CDK10: variants seen among roughly 807,000 people sequenced by gnomAD.
CDK10 encodes the protein cyclin dependent kinase 10.
Under a neutral mutation model 51.0 loss-of-function variants are expected in CDK10, and 55 were observed. The observed-to-expected ratio is 1.08, with a 90% CI of 0.87 to 1.35. CDK10 has a LOEUF of 1.35. CDK10 is among the 40% of genes most tolerant of loss of function. The pLI, the probability that CDK10 is intolerant of heterozygous loss-of-function variation, is 0.00. For synonymous variants in CDK10, 255 were observed against 199.1 expected (o/e 1.28, Z -2.36); for missense variants, 589 against 485.1 (o/e 1.21, Z -2.01).
chr16:89,692,553 C>T (rs767415849), intron 6 of CDK10, 37 bp downstream of exon 6: 27 of 1,510,310 alleles, frequency 1.8e-5, no homozygotes, highest in Middle Eastern at 3.5e-4. Context: ...AGCACAAATT[C>T]GGCTGAGGCC....
chr16:89,688,284 G>A (rs1597835248), intron 1 of CDK10, among the ~76,000 whole-genome samples: 1 of 151,828 alleles, frequency 6.6e-6, no homozygotes. Flanking sequence ...GAGTTTCACC[G>A]TGTTAGTCAG....
chr16:89,695,021 GC>G lies in CDK10; in HGVS notation c.885del (p.Leu297CysfsTer85). 5 of 1,613,248 alleles carry G rather than the reference GC, an allele frequency of 3.1e-6. No homozygotes were observed. The highest frequency in any genetic ancestry group is 4.2e-6 in the Non-Finnish European group (5 of 1,180,020). On this transcript the variant is annotated frameshift_variant, in exon 11 of 13. Coordinates refer to ENST00000353379, the MANE Select transcript of CDK10 (RefSeq NM_052988.5). LOFTEE classifies it high-confidence loss of function. The stretch of plus-strand genomic sequence containing the variant: ...GCACAAGTTCCCATGGCTGTCGGAG[GC>G]CGGGCTGCGCCTGCTGCACTTCCTG... Reference protein sequence around the residue: ...LKHKFPWLSEAGLRLLHFLFM... With the variant: ...LKHKFPWLSEXGLRLLHFLFM...
chr16:89,689,125 G>A (rs1049257771), intron 1 of CDK10, 127 bp from the exon 2 acceptor site: 8 of 792,716 alleles, frequency 1.0e-5, no homozygotes, highest in East Asian at 5.3e-5. Flanking sequence ...AAGCCCAAAC[G>A]TGTGGTTGCC....
At chr16:89,689,645 C>T in intron 2 of CDK10, 1 of 300,198 alleles carries the variant, frequency 3.3e-6, no homozygotes, top group Non-Finnish European at 6.4e-6. Context: ...TGTCTATCAC[C>T]TCAGCAACTC....
At chr16:89,693,174 T>C (rs1597862401) in intron 6 of CDK10, 100 bp from the exon 7 acceptor site, 3 of 1,016,500 alleles carry the variant, frequency 3.0e-6, no homozygotes, top group Admixed American at 3.9e-5. Flanking sequence ...AGCCCAAAGC[T>C]GAGGAAACGT....
chr16:89,694,510 C>T, intron 9 of CDK10, 155 bp from the exon 10 acceptor site: 1 of 1,362,708 alleles, frequency 7.3e-7, no homozygotes, highest in Non-Finnish European at 1.0e-6. Flanking sequence ...AGGAGGGGAG[C>T]CAGTGGTCCC....
At position 89,689,354 on chromosome 16, in the gene CDK10, G is replaced by A. The variant is rs779187795; in HGVS notation, c.160+30G>A. 1.3e-5 allele frequency: 21 copies of A among 1,586,678 alleles called. No individual in the cohort carries two copies. In the East Asian group the frequency reaches 2.7e-4, roughly 20 times the overall value. ...GTGGCCAAGGCTAGGACATGTGGCC[G>A]CAGCTCGTGGCTGTGACAGTGTGGG... On this transcript the variant is annotated intron_variant, in intron 2 of 12. Transcript: ENST00000353379.
intron 1 of CDK10, 183 bp downstream of exon 1, chr16:89,686,980 C>A: frequency 1.8e-6 from 1 of 541,856 alleles, no homozygotes; most frequent in South Asian, 2.5e-5. Context: ...CCCCCGACAG[C>A]CGGTCCCTGG....
intron 9 of CDK10, 103 bp downstream of exon 9, chr16:89,694,335 A>C: frequency 8.0e-7 from 1 of 1,244,846 alleles, no homozygotes; most frequent in Non-Finnish European, 1.2e-6. Context: ...GCAGGAGTGC[A>C]GTGGGGTCTT....
chr16:89,695,539 C>A, intron 12 of CDK10, 56 bp from the exon 13 acceptor site: 6 of 1,559,558 alleles, frequency 3.8e-6, no homozygotes, highest in Non-Finnish European at 5.2e-6. Flanking sequence ...AGACCTGGGC[C>A]TGCTCCTCCT....
At chr16:89,691,096 A>G (rs548140840) in intron 3 of CDK10, among the ~76,000 whole-genome samples, 1 of 151,972 alleles carries the variant, frequency 6.6e-6, no homozygotes, top group Admixed American at 6.6e-5. Context: ...GACCAGCCTG[A>G]CCAACATGGA....
chr16:89,689,241 T>G lies in CDK10; in HGVS notation c.88-11T>G. 1.2e-6 allele frequency: 2 copies of G among 1,613,806 alleles called. No individual in the cohort carries two copies. The highest frequency in any genetic ancestry group is 1.7e-6 in the Non-Finnish European group (2 of 1,179,696). ...CCAAATTTCCACACTGGCAACACCC[T>G]TCTGTTTCAGCTGGGACGATGCCGG... On this transcript the variant is annotated splice_polypyrimidine_tract_variant and intron_variant, in intron 1 of 12. Transcript: ENST00000353379.
chr16:89,694,250 C>G lies in CDK10; in HGVS notation c.668+18C>G. The G allele has an allele frequency of 6.2e-7, 1 of 1,613,020 alleles. No individual in the cohort carries two copies. Among genetic ancestry groups the G allele is most frequent in the South Asian group, 1.1e-5 (1 of 91,030 alleles). Reference sequence around the variant, plus strand: ...GACATGTGGTGAGGAGATACGGTTACCGCTCCTGGGGCCTCAGGAAGGGCT... The same window carrying G: ...GACATGTGGTGAGGAGATACGGTTAGCGCTCCTGGGGCCTCAGGAAGGGCT... On this transcript the variant is annotated intron_variant, in intron 9 of 12. Coordinates refer to ENST00000353379, the MANE Select transcript of CDK10 (RefSeq NM_052988.5).
In CDK10 at chr16:89,696,051, A is replaced by AC; in HGVS notation, c.*360dup. ...CCCCGCTGTCTTTGAGTTGTGGTGG[A>AC]CGCTGGCCTGGGATGAGAGGGCCCA... On this transcript the variant is annotated 3_prime_UTR_variant, in exon 13 of 13. Transcript: ENST00000353379. 1 of 568,090 alleles carries AC rather than the reference A, an allele frequency of 1.8e-6. No homozygotes were observed. 35.2% of individuals were successfully genotyped at this position (568,090 alleles called of 1,614,324 possible). A position where few individuals can be genotyped will look rare whatever the true frequency, so the allele number is the denominator to read the frequency against.
intron 1 of CDK10, chr16:89,687,633 G>C (rs916596770): frequency 4.5e-6 from 2 of 444,694 alleles, no homozygotes; most frequent in Non-Finnish European, 9.2e-6. Context: ...GCGTGATCAC[G>C]GCTCAGTGCA....
chr16:89,687,791 G>A (rs1597832246), intron 1 of CDK10: 1 of 354,786 alleles, frequency 2.8e-6, no homozygotes, highest in Non-Finnish European at 5.7e-6. Context: ...AAATAAGCGT[G>A]TCGAGAAGAG....
intron 6 of CDK10, among the ~76,000 whole-genome samples, 165 bp from the exon 7 acceptor site, chr16:89,693,109 G>A (rs2060528253): frequency 6.7e-6 from 1 of 150,338 alleles, no homozygotes; most frequent in African/African-American, 2.4e-5. Context: ...CTGCACTCCA[G>A]CCTGGGCGAC....
At position 89,694,394 on chromosome 16, in the gene CDK10, G is replaced by A. The variant is rs1597870251; in HGVS notation, c.668+162G>A. 3.4e-6 allele frequency: 3 copies of A among 874,908 alleles called. No homozygotes were observed. In the East Asian group the frequency reaches 7.9e-5, roughly 23 times the overall value. The allele number at this position is 874,908 out of a possible 1,614,324, so 54.2% of individuals were successfully genotyped here. On this transcript the variant is annotated intron_variant, in intron 9 of 12. Transcript: ENST00000353379. ...GGTGGGCCTGAGCCTGGAAACCCAG[G>A]AGGAGGTGTGAGAACTTAGCTTGCT...
At chr16:89,686,954 C>A (rs2060217008) in intron 1 of CDK10, 157 bp downstream of exon 1, 2 of 620,336 alleles carry the variant, frequency 3.2e-6, no homozygotes, top group Non-Finnish European at 5.3e-6. Context: ...GAAGCCGGGG[C>A]GGGGCGGGCT....
Sources: allele counts gnomAD v4.1 joint callset (sites outside exome capture counted in the v4.1 genomes callset), GRCh38; gene constraint gnomAD v4.1.1; transcripts MANE v1.5; gene names NCBI Gene and HGNC (gene_info 2026-07-23, HGNC 2026-07-21).